The following ADGRG2 variants were observed in gnomAD, a reference collection of about 807,000 sequenced individuals.
ADGRG2 encodes G protein-coupled receptor 64.
In ADGRG2, 26 loss-of-function variants were observed where a neutral mutation model predicts 74.1. The ratio of observed to expected loss-of-function variants is 0.35; its 90% confidence interval spans 0.26 to 0.49. The LOEUF (loss-of-function observed/expected upper bound fraction) is 0.49. Among genes scored for constraint, ADGRG2 ranks in the 20% least tolerant of loss-of-function variants. The pLI is 0.99. For missense variants in ADGRG2, 619 were observed against 763.1 expected (o/e 0.81, Z 2.22); for synonymous variants, 296 against 295.2 (o/e 1.00, Z -0.03).
chrX:19,103,841 C>T (rs1045918986), intron 1 of ADGRG2, among the ~76,000 whole-genome samples: 5 of 111,602 alleles, frequency 4.5e-5, no homozygotes, highest in Non-Finnish European at 9.4e-5. Flanking sequence ...CCCTCCCAAA[C>T]ATCTCTGCCT....
At chrX:19,062,746 A>T (rs976556607) in intron 3 of ADGRG2, among the ~76,000 whole-genome samples, 2 of 110,808 alleles carry the variant, frequency 1.8e-5, no homozygotes, top group Admixed American at 9.7e-5. Flanking sequence ...AGGAAATCAG[A>T]CAGCCAGGCC....
intron 15 of ADGRG2, among the ~76,000 whole-genome samples, chrX:19,015,636 T>A (rs1286555484): frequency 8.9e-6 from 1 of 112,059 alleles, no homozygotes; most frequent in Non-Finnish European, 1.9e-5. Flanking sequence ...GGGGAATCAC[T>A]TGAACCCGGG....
chrX:19,023,830 C>G (rs1303478305), intron 12 of ADGRG2, 79 bp downstream of exon 12: 3 of 677,299 alleles, frequency 4.4e-6, no homozygotes, highest in Non-Finnish European at 7.1e-6. Context: ...ATACATATCT[C>G]CCAGGAATGC....
At chrX:19,009,924 C>T in intron 17 of ADGRG2, 142 bp from the exon 18 acceptor site, 1 of 433,085 alleles carries the variant, frequency 2.3e-6, no homozygotes, top group Non-Finnish European at 4.0e-6. Context: ...AATTCTACTA[C>T]CTCAGCCTCT....
chrX:19,007,003 C>T (rs2060249401), intron 20 of ADGRG2, among the ~76,000 whole-genome samples: 1 of 110,642 alleles, frequency 9.0e-6, no homozygotes, highest in African/African-American at 3.3e-5. Context: ...ACAATCTGCC[C>T]GCCTCAGCCT....
At chrX:19,099,148 C>T (rs181180583) in intron 1 of ADGRG2, among the ~76,000 whole-genome samples, 174 of 110,654 alleles carry the variant, frequency 1.6e-3, no homozygotes, top group African/African-American at 5.4e-3. Context: ...CGCGCCACTG[C>T]ACTCCAGCCT....
intron 1 of ADGRG2, among the ~76,000 whole-genome samples, chrX:19,085,566 C>G (rs1482034124): frequency 9.0e-6 from 1 of 110,826 alleles, no homozygotes; most frequent in Non-Finnish European, 1.9e-5. Context: ...TGGACTCAAG[C>G]AATCCTCCCG....
intron 3 of ADGRG2, among the ~76,000 whole-genome samples, chrX:19,060,158 G>C (rs1243250535): frequency 1.8e-5 from 2 of 111,370 alleles, no homozygotes; most frequent in Admixed American, 9.5e-5. Flanking sequence ...AAATAAATAA[G>C]ATACTATGAA....
intron 3 of ADGRG2, among the ~76,000 whole-genome samples, chrX:19,067,040 G>A (rs188593629): frequency 1.8e-5 from 2 of 111,833 alleles, no homozygotes; most frequent in African/African-American, 6.5e-5. Flanking sequence ...ATAGGGTCTG[G>A]AGGCAGGGAA....
At chrX:19,008,225 A>AT (rs58217405) in intron 18 of ADGRG2, 102 bp from the exon 19 acceptor site, 33,593 of 484,274 alleles carry the variant, frequency 0.069, 723 homozygotes, top group Admixed American at 0.092. Context: ...AGTATGTGCC[A>AT]TTTTTTTTTT....
rs73445643 is a variant in ADGRG2 at position 19,041,634 on chromosome X, A to T, written c.119-1410T>A. Among the ~76,000 whole-genome samples, 802 of 111,559 alleles carry T rather than the reference A, an allele frequency of 7.2e-3. 11 individuals are homozygous for T. Among genetic ancestry groups the T allele is most frequent in the African/African-American group, 0.024 (743 of 30,659 alleles). On this transcript the variant is annotated intron_variant, in intron 3 of 28. Coordinates refer to ENST00000379869, the MANE Select transcript of ADGRG2 (RefSeq NM_001079858.3). ...AATCATAGTTCGGCTCGAAAGCAGGACTGAATGAGTGCCCAAGTTCCCCAA... is the reference window on the plus strand; with the variant it reads ...AATCATAGTTCGGCTCGAAAGCAGGTCTGAATGAGTGCCCAAGTTCCCCAA...
intron 3 of ADGRG2, among the ~76,000 whole-genome samples, chrX:19,052,933 G>A (rs1248417996): frequency 2.7e-5 from 3 of 111,472 alleles, no homozygotes; most frequent in Non-Finnish European, 3.8e-5. Flanking sequence ...GACCTCAGGT[G>A]ATCCGCTTGC....
rs2060230553 is a variant in ADGRG2, at chrX:19,006,330, GA to G, written c.1690-66del. 4.0e-6 allele frequency: 3 copies of G among 744,676 alleles called. No homozygotes were observed. The Admixed American group carries it at 8.8e-5, about 22-fold the overall frequency. The allele number at this position is 744,676 out of a possible 1,213,427, so 61.4% of individuals were successfully genotyped here. A position where few individuals can be genotyped will look rare whatever the true frequency, so the allele number is the denominator to read the frequency against. On this transcript the variant is annotated intron_variant, in intron 20 of 28. Coordinates refer to ENST00000379869, the MANE Select transcript of ADGRG2 (RefSeq NM_001079858.3). ...AACTAAAAAAAAAAAAAGCAAAACT[GA>G]AAGGTATTTGAAAAGAAAAAAAACT...
chrX:19,059,400 C>T lies in ADGRG2; in HGVS notation c.118+9317G>A, dbSNP rs750357076. ...TTTCTTTCTGGGTAACCTAGAAAGT[C>T]ACTCCATTGCTTTGAGCTTCAGTTT... On this transcript the variant is annotated intron_variant, in intron 3 of 28. Transcript: ENST00000379869. Among the ~76,000 whole-genome samples, 5 of 111,477 alleles carry T rather than the reference C, an allele frequency of 4.5e-5. No homozygotes were observed. The East Asian group carries it at 1.4e-3, about 31-fold the overall frequency.
intron 3 of ADGRG2, among the ~76,000 whole-genome samples, chrX:19,055,240 TTGTGTGTGTGTGTGTG>T (rs35438679): frequency 9.7e-6 from 1 of 103,620 alleles, no homozygotes; most frequent in African/African-American, 3.5e-5. Flanking sequence ...GCAAATCCCT[TTGTGTGTGTGTGTGTG>T]TGTGTGTGTG....
At chrX:19,093,797 G>A (rs1272611190) in intron 1 of ADGRG2, among the ~76,000 whole-genome samples, 1 of 110,924 alleles carries the variant, frequency 9.0e-6, no homozygotes, top group Non-Finnish European at 1.9e-5. Flanking sequence ...GGTCACTAAT[G>A]GGCACGTGTG....
chrX:19,091,492 T>TCACACACA (rs57540002), intron 1 of ADGRG2, among the ~76,000 whole-genome samples: 10 of 82,636 alleles, frequency 1.2e-4, no homozygotes, highest in South Asian at 7.4e-4. Context: ...AGATTTTATG[T>TCACACACA]CACACACACA....
chrX:19,016,643 C>G (rs2060476366), intron 15 of ADGRG2, among the ~76,000 whole-genome samples: 1 of 107,321 alleles, frequency 9.3e-6, no homozygotes, highest in African/African-American at 3.4e-5. Flanking sequence ...GCGCTGCACC[C>G]ACTAACTCGT....
Position 19,035,854 on chromosome X carries a change from ACT to A in ADGRG2, c.262+86_262+87del. On this transcript the variant is annotated intron_variant, in intron 7 of 28. Coordinates refer to ENST00000379869, the MANE Select transcript of ADGRG2 (RefSeq NM_001079858.3). ...AAAAAGGGCAAGGAGGCAAAAGAAA[ACT>A]CTTTAGTAACCCAGTAGACTGCACA... 6.5e-6 allele frequency: 3 copies of A among 459,310 alleles called. No homozygotes were observed. The East Asian group carries it at 1.2e-4, about 18-fold the overall frequency. The allele number at this position is 459,310 out of a possible 1,213,427, so 37.9% of individuals were successfully genotyped here.
Sources: allele counts gnomAD v4.1 joint callset (sites outside exome capture counted in the v4.1 genomes callset), GRCh38; gene constraint gnomAD v4.1.1; transcripts MANE v1.5; gene names NCBI Gene and HGNC (gene_info 2026-07-23, HGNC 2026-07-21).